CCDC88A: variants seen among roughly 807,000 people sequenced by gnomAD.
CCDC88A encodes coiled-coil and HOOK domain protein 88A.
In CCDC88A, 54 loss-of-function variants were observed where a neutral mutation model predicts 234.3. That is an observed-to-expected ratio of 0.23 (90% CI 0.19 to 0.29). CCDC88A has a LOEUF of 0.29. Ranked by LOEUF, CCDC88A falls within the 10% of genes least tolerant of loss-of-function variation. The pLI is 1.00. For missense variants in CCDC88A, 1,832 were observed against 2,123.4 expected (o/e 0.86, Z 2.70); for synonymous variants, 753 against 737.8 (o/e 1.02, Z -0.33).
intron 2 of CCDC88A, chr2:55,417,455 GAT>G (rs1419866568): frequency 6.6e-6 from 1 of 151,862 alleles, no homozygotes; most frequent in Non-Finnish European, 1.5e-5. Flanking sequence ...GAAATAGTCA[GAT>G]ATTTTGAGGA....
At chr2:55,390,400 A>G (rs560142761) in intron 2 of CCDC88A, among the ~76,000 whole-genome samples, 2 of 152,296 alleles carry the variant, frequency 1.3e-5, no homozygotes, top group South Asian at 4.1e-4. Flanking sequence ...ACCACTCCCA[A>G]TAACTTGATT....
At chr2:55,372,810 C>T (rs1285037967) in intron 4 of CCDC88A, among the ~76,000 whole-genome samples, 2 of 152,192 alleles carry the variant, frequency 1.3e-5, no homozygotes, top group Non-Finnish European at 2.9e-5. Flanking sequence ...ACTACCCCAG[C>T]CTGACAAATC....
At position 55,328,625 on chromosome 2, in the gene CCDC88A, C is replaced by A. The variant is rs1684540588; in HGVS notation, c.2856-190G>T. 3 of 405,526 alleles carry A rather than the reference C, an allele frequency of 7.4e-6. No individual in the cohort carries two copies. Among genetic ancestry groups the A allele is most frequent in the Non-Finnish European group, 1.3e-5 (3 of 233,896 alleles). 25.1% of individuals were successfully genotyped at this position (405,526 alleles called of 1,614,324 possible). ...AAAACTAATCCTGGTAATGAAGCAA[C>A]AAAATCATTGAGTGAACAGAGCTCC... is the stretch of plus-strand genomic sequence containing the variant. On this transcript the variant is annotated intron_variant, in intron 16 of 32. Transcript: ENST00000436346. The surrounding 1 kb of genome is among the most constrained non-coding windows in gnomAD (Gnocchi z 4.3).
At chr2:55,359,694 A>G (rs1404389182) in intron 7 of CCDC88A, among the ~76,000 whole-genome samples, 10 of 151,462 alleles carry the variant, frequency 6.6e-5, no homozygotes, top group African/African-American at 2.4e-4. Flanking sequence ...ATTTTATTAT[A>G]GTTATTTTAT....
intron 25 of CCDC88A, among the ~76,000 whole-genome samples, chr2:55,304,513 G>A (rs1185089563): frequency 1.3e-5 from 2 of 151,366 alleles, no homozygotes; most frequent in African/African-American, 4.9e-5. Flanking sequence ...GGGAAAGAGG[G>A]GAAAAAAAAG....
chr2:55,339,603 C>T lies in CCDC88A; in HGVS notation c.1379G>A (p.Ser460Asn). 6.2e-7 allele frequency: 1 copy of T among 1,613,318 alleles called. No homozygotes were observed. The highest frequency in any genetic ancestry group is 1.1e-5 in the South Asian group (1 of 90,840). ...TTCCATCTCTAGCTTCAATAATCTA[C>T]TTGATGTCAACTCATTCACCTCATG... ...LGHEVNELTS[S>N]RLLKLEMENQ... The change falls in exon 13 of 33, where the codon AGT (serine) becomes AAT (asparagine). Residue 460 changes from serine to asparagine, a missense_variant. This residue lies in a region of CCDC88A where 1,282 missense variants were observed against 1,543.6 expected (regional missense o/e 0.83). Transcript: ENST00000436346.
chr2:55,416,386 A>G (rs1398205842), intron 2 of CCDC88A, among the ~76,000 whole-genome samples: 1 of 136,302 alleles, frequency 7.3e-6, no homozygotes, highest in Non-Finnish European at 1.6e-5. Flanking sequence ...CAAAGCTACT[A>G]ATATATATGT....
chr2:55,308,383 A>G (rs1681904736), intron 25 of CCDC88A: 1 of 154,200 alleles, frequency 6.5e-6, no homozygotes, highest in African/African-American at 2.4e-5. Context: ...TGACACCATC[A>G]AAGTATATGA....
chr2:55,418,785 A>T (rs369027736), intron 2 of CCDC88A, 31 bp downstream of exon 2: 76 of 1,546,602 alleles, frequency 4.9e-5, no homozygotes, highest in Non-Finnish European at 6.6e-5. Flanking sequence ...TCTCAAAGAA[A>T]ACGTTACCTA....
chr2:55,293,179 G>A (rs1471371293), intron 31 of CCDC88A, among the ~76,000 whole-genome samples: 4 of 151,976 alleles, frequency 2.6e-5, no homozygotes, highest in Non-Finnish European at 5.9e-5. Flanking sequence ...AAGTGTTATG[G>A]TCAGAATTAT....
intron 2 of CCDC88A, among the ~76,000 whole-genome samples, chr2:55,400,682 T>C (rs1678458129): frequency 6.6e-6 from 1 of 152,260 alleles, no homozygotes; most frequent in African/African-American, 2.4e-5. Context: ...TCTTTACTTA[T>C]TCATTAACTA....
Position 55,328,351 on chromosome 2 carries a change from T to C in CCDC88A, c.2940A>G (p.Glu980=). ...EIKEEKIAAL[E]ARLEESTNYN... ...AATTCGTGGATTCTTCTAATCGAGC[T>C]TCTAAAGCAGCAATTTTTTCTTCTT... Residue 980 remains glutamate (E), a synonymous_variant, in exon 17 of 33, where the codon GAA becomes GAG. Coordinates refer to ENST00000436346, the MANE Select transcript of CCDC88A (RefSeq NM_001365480.1). This position sits in a 1 kb window ranked among gnomAD's most constrained non-coding sequence, Gnocchi z 4.3. The C allele has an allele frequency of 6.2e-7, 1 of 1,602,152 alleles. No homozygotes were observed. The highest frequency in any genetic ancestry group is 8.5e-7 in the Non-Finnish European group (1 of 1,175,082).
rs759227189 is a variant in CCDC88A, at chr2:55,299,810, G to A, written c.4825+29C>T. 12 of 1,411,800 alleles carry A rather than the reference G, an allele frequency of 8.5e-6. No homozygotes were observed. The Admixed American group carries it at 2.0e-4, about 24-fold the overall frequency. The allele number at this position is 1,411,800 out of a possible 1,614,324, so 87.5% of individuals were successfully genotyped here. On this transcript the variant is annotated intron_variant, in intron 29 of 32. Transcript: ENST00000436346. ...CCTTTAAATACTGGAAATGGATAGAGCGCATTAATAAATTTACCTACAGCA... is the reference window on the plus strand; with the variant it reads ...CCTTTAAATACTGGAAATGGATAGAACGCATTAATAAATTTACCTACAGCA...
At chr2:55,398,663 A>G (rs915791517) in intron 2 of CCDC88A, among the ~76,000 whole-genome samples, 1 of 152,234 alleles carries the variant, frequency 6.6e-6, no homozygotes, top group African/African-American at 2.4e-5. Flanking sequence ...CTGTAATCCC[A>G]GCACTTTGGA....
chr2:55,301,375 T>C (rs1680879032), intron 27 of CCDC88A, 98 bp from the exon 28 acceptor site: 2 of 627,236 alleles, frequency 3.2e-6, no homozygotes, highest in Non-Finnish European at 5.3e-6. Context: ...TTTTCAATCA[T>C]GTATAATACA....
chr2:55,304,923 T>G (rs2104581850), intron 25 of CCDC88A, among the ~76,000 whole-genome samples: 1 of 152,342 alleles, frequency 6.6e-6, no homozygotes, highest in South Asian at 2.1e-4. Flanking sequence ...TCACAGCTCT[T>G]TTGACAAACT....
rs1423238212 is a variant in CCDC88A, at chr2:55,419,342, G to C, written c.-263C>G. 4 of 437,652 alleles carry C rather than the reference G, an allele frequency of 9.1e-6. No individual in the cohort carries two copies. The highest frequency in any genetic ancestry group is 1.7e-5 in the Non-Finnish European group (4 of 241,098). 27.1% of individuals were successfully genotyped at this position (437,652 alleles called of 1,614,324 possible). A position where few individuals can be genotyped will look rare whatever the true frequency, so the allele number is the denominator to read the frequency against. On this transcript the variant is annotated 5_prime_UTR_variant, in exon 1 of 33. Coordinates refer to ENST00000436346, the MANE Select transcript of CCDC88A (RefSeq NM_001365480.1). The stretch of plus-strand genomic sequence containing the variant: ...TGTCTGTACCGGGCGAGGAGGGGCA[G>C]AGAAAAGGCATCTGGAGGAGGAGGA...
At chr2:55,403,020 C>A (rs1310736266) in intron 2 of CCDC88A, among the ~76,000 whole-genome samples, 1 of 151,168 alleles carries the variant, frequency 6.6e-6, no homozygotes, top group African/African-American at 2.4e-5. Context: ...AAAAAAAAAA[C>A]CACATTCATT....
chr2:55,363,050 C>A (rs1048329300), intron 6 of CCDC88A, among the ~76,000 whole-genome samples: 15 of 151,862 alleles, frequency 9.9e-5, no homozygotes, highest in African/African-American at 3.6e-4. Flanking sequence ...AGGATGGTGG[C>A]AAATTCAGTA....
Sources: gnomAD v4.1 joint callset for allele counts (sites outside exome capture counted in the v4.1 genomes callset) on GRCh38, gnomAD v4.1.1 for gene constraint, gnomAD v4.1.1 regional missense constraint, Gnocchi (gnomAD v3.1) non-coding constraint, MANE v1.5 for transcripts, NCBI Gene and HGNC (gene_info 2026-07-23, HGNC 2026-07-21) for gene names.